The following LATS2 variants were observed in gnomAD, a reference collection of about 807,000 sequenced individuals.
LATS2 encodes serine/threonine-protein kinase LATS2.
Under a neutral mutation model 76.0 loss-of-function variants are expected in LATS2, and 24 were observed. The observed-to-expected ratio is 0.32, with a 90% CI of 0.23 to 0.44. The LOEUF is 0.44. Ranked by LOEUF, LATS2 falls within the 20% of genes least tolerant of loss-of-function variation. The pLI, the probability that LATS2 is intolerant of heterozygous loss-of-function variation, is 1.00. For missense variants in LATS2, 1,286 were observed against 1,481.2 expected (o/e 0.87, Z 2.16); for synonymous variants, 692 against 635.4 (o/e 1.09, Z -1.34).
chr13:21,057,057 T>G (rs1310686405), intron 1 of LATS2, among the ~76,000 whole-genome samples: 1 of 152,226 alleles, frequency 6.6e-6, no homozygotes, highest in Non-Finnish European at 1.5e-5. Flanking sequence ...ATGAACCATG[T>G]TGGCCCTTAG....
At chr13:20,987,792 G>T in intron 4 of LATS2, 89 bp downstream of exon 4, 4 of 1,463,954 alleles carry the variant, frequency 2.7e-6, no homozygotes, top group Non-Finnish European at 3.7e-6. Context: ...GGGGTATACA[G>T]TCGAAACAGA....
chr13:21,033,413 G>C (rs1872597225), intron 2 of LATS2, among the ~76,000 whole-genome samples: 1 of 152,000 alleles, frequency 6.6e-6, no homozygotes, highest in African/African-American at 2.4e-5. Flanking sequence ...CAGACAGAGA[G>C]GTAGAGATGT....
chr13:21,009,721 C>T (rs1871506626), intron 2 of LATS2, among the ~76,000 whole-genome samples: 1 of 152,202 alleles, frequency 6.6e-6, no homozygotes, highest in African/African-American at 2.4e-5. Flanking sequence ...CTGCTACCTC[C>T]ACATAACAGA....
chr13:20,988,941 G>A lies in LATS2; in HGVS notation c.839C>T (p.Pro280Leu), dbSNP rs1466832911. 2.0e-6 allele frequency: 3 copies of A among 1,529,292 alleles called. No individual in the cohort carries two copies. Among genetic ancestry groups the A allele is most frequent in the East Asian group, 2.4e-5 (1 of 40,840 alleles). The allele number at this position is 1,529,292 out of a possible 1,614,324, so 94.7% of individuals were successfully genotyped here. ...GCTGGCGTAACCCCCGGTCTCCGGC[G>A]GCGTCTTGCTCTGGAAGGAGGGGCT... ...QRSPSFQSKT[P>L]PETGGYASLP... Residue 280 changes from proline (P) to leucine (L), a missense_variant, in exon 4 of 8, where the codon CCG becomes CTG. Coordinates refer to ENST00000382592, the MANE Select transcript of LATS2 (RefSeq NM_014572.3).
chr13:21,021,474 CAAAAAAAAAAAAAAAAAAA>C (rs58976562), intron 2 of LATS2, among the ~76,000 whole-genome samples: 3 of 48,378 alleles, frequency 6.2e-5, no homozygotes, highest in South Asian at 1.7e-3. Context: ...GACTCTGTCT[CAAAAAAAAAAAAAAAAAAA>C]AAAAAAAAAA....
At chr13:21,031,854 TAAA>T (rs910382026) in intron 2 of LATS2, among the ~76,000 whole-genome samples, 7 of 151,916 alleles carry the variant, frequency 4.6e-5, no homozygotes, top group Admixed American at 3.9e-4. Context: ...AGACCTCGAC[TAAA>T]AAAAAATTTT....
intron 2 of LATS2, among the ~76,000 whole-genome samples, chr13:20,999,113 G>C (rs1870912462): frequency 6.6e-6 from 1 of 152,274 alleles, no homozygotes; most frequent in African/African-American, 2.4e-5. Context: ...CCGTGTGCGA[G>C]CCAATTATGA....
intron 2 of LATS2, chr13:21,005,072 A>C (rs1421984322): frequency 1.3e-5 from 2 of 152,236 alleles, no homozygotes; most frequent in Non-Finnish European, 2.9e-5. Context: ...ATGCAATTCT[A>C]GGAAAAATCT....
chr13:21,049,146 G>T (rs1873174817), intron 1 of LATS2, among the ~76,000 whole-genome samples: 1 of 152,186 alleles, frequency 6.6e-6, no homozygotes, highest in East Asian at 1.9e-4. Context: ...GGCTCTTCCT[G>T]GAGACATAGG....
At chr13:21,007,676 A>ATAGTG (rs1565952189) in intron 2 of LATS2, among the ~76,000 whole-genome samples, 3 of 4,310 alleles carry the variant, frequency 7.0e-4, no homozygotes, top group African/African-American at 8.5e-4. Flanking sequence ...GTGTATATAT[A>ATAGTG]TATATAGTAT....
rs1394278193 is a variant in LATS2, at chr13:20,974,573, T to C, written c.*297A>G. ...TTTGTCAAAGTTAATCCCTATAATT[T>C]AGTAAGAAAAAATGGATATAAACAA... On this transcript the variant is annotated 3_prime_UTR_variant, in exon 8 of 8. Transcript: ENST00000382592. 5 of 321,586 alleles carry C rather than the reference T, an allele frequency of 1.6e-5. No individual in the cohort carries two copies. In the South Asian group the frequency reaches 4.1e-4, roughly 27 times the overall value. 19.9% of individuals were successfully genotyped at this position (321,586 alleles called of 1,614,324 possible).
In LATS2 at chr13:20,988,610, C is replaced by T. The variant is rs1456341005; in HGVS notation, c.1170G>A (p.Pro390=). The change falls in exon 4 of 8, where the codon CCG becomes CCA. Residue 390 remains proline, a synonymous_variant. Transcript: ENST00000382592. The part of the protein sequence containing the change: ...SLQKPGLEAP[P]RAHVAFRPDC... ...CAGGCCGGAAGGCCACGTGCGCGCG[C>T]GGCGGCGCCTCCAGGCCCGGCTTCT... is the stretch of plus-strand genomic sequence containing the variant. 9 of 1,589,218 alleles carry T rather than the reference C, an allele frequency of 5.7e-6. No homozygotes were observed. Among genetic ancestry groups the T allele is most frequent in the African/African-American group, 1.3e-5 (1 of 74,364 alleles).
intron 2 of LATS2, among the ~76,000 whole-genome samples, chr13:21,043,385 A>T (rs528770161): frequency 1.3e-5 from 2 of 152,282 alleles, no homozygotes; most frequent in African/African-American, 4.8e-5. Context: ...TCTTTTTAAC[A>T]AACTGATGCA....
chr13:21,036,942 T>C (rs1232878619), intron 2 of LATS2, among the ~76,000 whole-genome samples: 1 of 152,204 alleles, frequency 6.6e-6, no homozygotes, highest in Non-Finnish European at 1.5e-5. Context: ...CAAATAAGAA[T>C]GGTAAAAATG....
intron 2 of LATS2, among the ~76,000 whole-genome samples, chr13:21,017,303 T>TCC (rs1183874852): frequency 1.3e-5 from 2 of 152,210 alleles, no homozygotes; most frequent in Non-Finnish European, 2.9e-5. Context: ...TAAAAACACT[T>TCC]CCCTTACATA....
chr13:20,991,201 C>T lies in LATS2; in HGVS notation c.475+71G>A. Reference sequence around the variant, plus strand: ...GGCCAGGCCAGGCCAGGTTGGACCCCTCTGCACGTGGTTTTGTTGTCCTTA... The same window carrying T: ...GGCCAGGCCAGGCCAGGTTGGACCCTTCTGCACGTGGTTTTGTTGTCCTTA... On this transcript the variant is annotated intron_variant, in intron 3 of 7. Coordinates refer to ENST00000382592, the MANE Select transcript of LATS2 (RefSeq NM_014572.3). The surrounding 1 kb of genome is among the most constrained non-coding windows in gnomAD (Gnocchi z 4.9). 1.1e-5 allele frequency: 17 copies of T among 1,591,366 alleles called. No individual in the cohort carries two copies. The highest frequency in any genetic ancestry group is 2.2e-5 in the East Asian group (1 of 44,772).
intron 2 of LATS2, among the ~76,000 whole-genome samples, chr13:21,041,379 C>T (rs935555554): frequency 1.3e-5 from 2 of 152,220 alleles, no homozygotes; most frequent in South Asian, 2.1e-4. Context: ...CACTGGCTGT[C>T]TTCTTTATGC....
At chr13:20,979,655 C>T (rs1355320369) in intron 7 of LATS2, 36 bp downstream of exon 7, 1 of 1,180,256 alleles carries the variant, frequency 8.5e-7, no homozygotes, top group Non-Finnish European at 1.3e-6. Flanking sequence ...AATCAGATGT[C>T]TACAGCAAGC....
intron 2 of LATS2, chr13:21,005,818 A>C (rs9552324): frequency 0.082 from 12,332 of 151,114 alleles, 1,119 homozygotes; most frequent in East Asian, 0.44. Context: ...AAAAAAAAAA[A>C]AAAAAAAACG....
Sources: allele counts gnomAD v4.1 joint callset (sites outside exome capture counted in the v4.1 genomes callset), GRCh38; gene constraint gnomAD v4.1.1; non-coding constraint Gnocchi (gnomAD v3.1); transcripts MANE v1.5; gene names NCBI Gene and HGNC (gene_info 2026-07-23, HGNC 2026-07-21).